CLEC16A: variants seen among roughly 807,000 people sequenced by gnomAD.
CLEC16A encodes protein CLEC16A.
A neutral mutation model predicts 109.5 loss-of-function variants in CLEC16A; 51 were observed. The ratio of observed to expected loss-of-function variants is 0.47; its 90% CI spans 0.37 to 0.59. The LOEUF (loss-of-function observed/expected upper bound fraction) is 0.59, where lower values mean the gene tolerates loss of function less well. Among genes scored for constraint, CLEC16A ranks in the 20% least tolerant of loss-of-function variants. The pLI is 0.00. For missense variants in CLEC16A, 1,339 were observed against 1,394.0 expected, an observed-to-expected ratio of 0.96 and a Z score of 0.63; for synonymous variants, 673 against 564.2, an observed-to-expected ratio of 1.19 and a Z score of -2.73.
Position 11,024,410 on chromosome 16 carries a change from G to A in CLEC16A, c.1437-411G>A, listed in dbSNP as rs979692945. On this transcript the variant is annotated intron_variant, in intron 12 of 23. Transcript: ENST00000409790. ...TCATGTTCTTGAACTTGTTTGGATT[G>A]TTGTTTGTGCCTTGTGTGACATCAC... 8 of 163,960 alleles carry A rather than the reference G, an allele frequency of 4.9e-5. 1 individual carries two copies. In the East Asian group the frequency reaches 1.2e-3, roughly 25 times the overall value. 10.2% of individuals were successfully genotyped at this position (163,960 alleles called of 1,614,324 possible). A position where few individuals can be genotyped will look rare whatever the true frequency, so the allele number is the denominator to read the frequency against.
chr16:11,041,724 C>G (rs1169636097), intron 14 of CLEC16A: 1 of 153,200 alleles, frequency 6.5e-6, no homozygotes. Flanking sequence ...CAGCCCGGCA[C>G]AAGGAGAATT....
At chr16:11,104,037 C>A (rs2051075704) in intron 19 of CLEC16A, among the ~76,000 whole-genome samples, 1 of 152,166 alleles carries the variant, frequency 6.6e-6, no homozygotes, top group African/African-American at 2.4e-5. Context: ...CAGGATCCCC[C>A]ACAGATGTGT....
intron 19 of CLEC16A, among the ~76,000 whole-genome samples, chr16:11,111,180 T>C (rs983189818): frequency 1.3e-5 from 2 of 152,198 alleles, no homozygotes; most frequent in Admixed American, 6.5e-5. Context: ...CAATTATCTA[T>C]TGCTGAGTAA....
intron 22 of CLEC16A, among the ~76,000 whole-genome samples, chr16:11,127,991 A>G (rs979162258): frequency 6.6e-6 from 1 of 152,228 alleles, no homozygotes; most frequent in African/African-American, 2.4e-5. Flanking sequence ...TGCTTAAAAA[A>G]TTCTGCAGGT....
In CLEC16A at chr16:10,969,244, A is replaced by G. The variant is rs750519056; in HGVS notation, c.427A>G (p.Ile143Val). ...TGATGAGGAGATTATGGCCTATTAT[A>G]TATCGTTCCTGAAAACACTTTCGTT... ...FSDEEIMAYY[I>V]SFLKTLSLKL... The change falls in exon 4 of 24, where the codon ATA becomes GTA. Residue 143 changes from isoleucine (I) to valine (V), a missense_variant. Ile to Val is a conservative substitution (Grantham distance 29). Transcript: ENST00000409790. 2 of 1,610,734 alleles carry G rather than the reference A, an allele frequency of 1.2e-6. No individual in the cohort carries two copies. Among genetic ancestry groups the G allele is most frequent in the Admixed American group, 1.7e-5 (1 of 59,788 alleles).
intron 10 of CLEC16A, among the ~76,000 whole-genome samples, chr16:10,985,295 C>A (rs1348160594): frequency 1.3e-5 from 2 of 150,406 alleles, no homozygotes; most frequent in Admixed American, 6.6e-5. Flanking sequence ...TTGGTTTGGT[C>A]TTTGCAGTAT....
At chr16:11,019,842 A>G (rs2045989795) in intron 11 of CLEC16A, among the ~76,000 whole-genome samples, 1 of 152,196 alleles carries the variant, frequency 6.6e-6, no homozygotes. Flanking sequence ...TATCAACCAC[A>G]TGTCATATCT....
In CLEC16A at chr16:11,126,161, C is replaced by T. The variant is rs201677797; in HGVS notation, c.2641+15C>T. The T allele has an allele frequency of 5.1e-5, 82 of 1,613,728 alleles. No homozygotes were observed. The highest frequency in any genetic ancestry group is 4.7e-4 in the East Asian group (21 of 44,872). Reference sequence around the variant, plus strand: ...CAAGGTGCCAGGTGAGCCAGCCCCCCGCCCTGCGCCACAGCTCGTTCATCA... The same window carrying T: ...CAAGGTGCCAGGTGAGCCAGCCCCCTGCCCTGCGCCACAGCTCGTTCATCA... On this transcript the variant is annotated intron_variant, in intron 22 of 23. Coordinates refer to ENST00000409790, the MANE Select transcript of CLEC16A (RefSeq NM_015226.3).
At chr16:11,044,707 G>C (rs1157887674) in intron 16 of CLEC16A, among the ~76,000 whole-genome samples, 1 of 152,056 alleles carries the variant, frequency 6.6e-6, no homozygotes, top group Non-Finnish European at 1.5e-5. Context: ...GAGGCAGGTG[G>C]ATCACCTGAG....
chr16:11,117,181 AG>A (rs1442599933), intron 19 of CLEC16A, among the ~76,000 whole-genome samples: 4 of 152,238 alleles, frequency 2.6e-5, no homozygotes, highest in Non-Finnish European at 5.9e-5. Context: ...TGCCAAAGGC[AG>A]GGGGGTGACA....
intron 13 of CLEC16A, among the ~76,000 whole-genome samples, chr16:11,032,478 C>T (rs949639609): frequency 2.0e-5 from 3 of 152,238 alleles, no homozygotes; most frequent in African/African-American, 7.2e-5. Flanking sequence ...TGAGCGCTTG[C>T]CAGGGCAAGG....
intron 19 of CLEC16A, among the ~76,000 whole-genome samples, chr16:11,113,359 C>G (rs1035459455): frequency 6.6e-6 from 1 of 152,186 alleles, no homozygotes; most frequent in Non-Finnish European, 1.5e-5. Context: ...ACCTATTTTC[C>G]CTTTAGAAAA....
chr16:11,118,732 T>G (rs2052185766), intron 19 of CLEC16A, among the ~76,000 whole-genome samples: 1 of 152,244 alleles, frequency 6.6e-6, no homozygotes, highest in Non-Finnish European at 1.5e-5. Context: ...TCCAGAGAGT[T>G]TTCCCCAGAT....
At chr16:11,136,233 C>T (rs181994472) in intron 22 of CLEC16A, 10 of 152,336 alleles carry the variant, frequency 6.6e-5, no homozygotes, top group Admixed American at 6.5e-4. Context: ...ATATAAGAAA[C>T]AGGGATGATG....
At chr16:11,125,502 A>C (rs1428015175) in intron 21 of CLEC16A, among the ~76,000 whole-genome samples, 3 of 152,214 alleles carry the variant, frequency 2.0e-5, no homozygotes, top group Non-Finnish European at 4.4e-5. Flanking sequence ...TGAGACAGAT[A>C]AACACCCACT....
chr16:11,114,137 G>A, intron 19 of CLEC16A, among the ~76,000 whole-genome samples: 1 of 108,254 alleles, frequency 9.2e-6, no homozygotes, highest in South Asian at 2.7e-4. Flanking sequence ...CCGTGTGTGT[G>A]TGTGTGTGTG....
chr16:10,996,212 T>C (rs1280050107), intron 10 of CLEC16A, among the ~76,000 whole-genome samples: 1 of 152,168 alleles, frequency 6.6e-6, no homozygotes, highest in Non-Finnish European at 1.5e-5. Flanking sequence ...ATCTGATATC[T>C]CTTCTGAGGC....
In CLEC16A at chr16:10,985,866, C is replaced by T. The variant is rs148130007; in HGVS notation, c.1071+2875C>T. On this transcript the variant is annotated intron_variant, in intron 10 of 23. Transcript: ENST00000409790. Reference sequence around the variant, plus strand: ...GATTACAGGCATGTGCCACCACGCCCAGCTAATTTTTGTATTTTTAGTAGA... The same window carrying T: ...GATTACAGGCATGTGCCACCACGCCTAGCTAATTTTTGTATTTTTAGTAGA... 6.0e-3 allele frequency among the ~76,000 whole-genome samples: 864 copies of T among 143,886 alleles called. 10 individuals are homozygous for T. Among genetic ancestry groups the T allele is most frequent in the Middle Eastern group, 0.029 (8 of 272 alleles). 94.4% of individuals were successfully genotyped at this position (143,886 alleles called of 152,430 possible).
chr16:11,033,109 G>A (rs2046837039), intron 13 of CLEC16A, among the ~76,000 whole-genome samples: 1 of 152,126 alleles, frequency 6.6e-6, no homozygotes, highest in Admixed American at 6.5e-5. Flanking sequence ...AAACTGGAAG[G>A]ACTTGTGATT....
Sources: gnomAD v4.1 joint callset for allele counts (sites outside exome capture counted in the v4.1 genomes callset) on GRCh38, gnomAD v4.1.1 for gene constraint, MANE v1.5 for transcripts, NCBI Gene and HGNC (gene_info 2026-07-23, HGNC 2026-07-21) for gene names.